RTN4R: variants seen among roughly 807,000 people sequenced by gnomAD.
RTN4R encodes the protein reticulon 4 receptor.
A neutral mutation model predicts 27.7 loss-of-function variants in RTN4R; 4 were observed. The ratio of observed to expected loss-of-function variants is 0.14; its 90% CI spans 0.07 to 0.33. The LOEUF (loss-of-function observed/expected upper bound fraction) is 0.33, where lower values mean the gene tolerates loss of function less well. Ranked by LOEUF, RTN4R falls within the 10% of genes least tolerant of loss-of-function variation. The pLI is 1.00. For missense variants in RTN4R, 554 were observed against 671.5 expected (o/e 0.83, Z 1.93); for synonymous variants, 290 against 305.6 (o/e 0.95, Z 0.53).
chr22:20,247,498 G>T (rs1424314990), intron 1 of RTN4R, among the ~76,000 whole-genome samples: 3 of 72,750 alleles, frequency 4.1e-5, no homozygotes, highest in African/African-American at 1.8e-4. Flanking sequence ...TCTGTCCCCC[G>T]ATCCTCGCTT....
chr22:20,258,353 T>G (rs1443221419), intron 1 of RTN4R, among the ~76,000 whole-genome samples: 2 of 151,564 alleles, frequency 1.3e-5, no homozygotes, highest in Non-Finnish European at 2.9e-5. Flanking sequence ...GGCTGGCCCC[T>G]TCCCAATCCC....
intron 1 of RTN4R, among the ~76,000 whole-genome samples, chr22:20,245,154 C>T (rs535675463): frequency 1.2e-4 from 19 of 152,166 alleles, no homozygotes; most frequent in African/African-American, 3.6e-4. Flanking sequence ...GGTGCGGGGT[C>T]GGGGGAGACA....
rs892849192 is a variant in RTN4R at position 20,255,109 on chromosome 22, C to G, written c.23-11999G>C. On this transcript the variant is annotated intron_variant, in intron 1 of 1. Coordinates refer to ENST00000043402, the MANE Select transcript of RTN4R (RefSeq NM_023004.6). This position sits in a 1 kb window ranked among gnomAD's most constrained non-coding sequence, Gnocchi z 4.8. ...CAGGGAACAGAGGCGACAGTGGCTG[C>G]CTCCCAGGAGGACGCGGGGCAGGGG... Among the ~76,000 whole-genome samples, 2 of 152,206 alleles carry G rather than the reference C, an allele frequency of 1.3e-5. No homozygotes were observed. Among genetic ancestry groups the G allele is most frequent in the African/African-American group, 4.8e-5 (2 of 41,460 alleles).
intron 1 of RTN4R, among the ~76,000 whole-genome samples, chr22:20,262,634 C>T (rs2051254489): frequency 1.3e-5 from 2 of 152,220 alleles, no homozygotes; most frequent in Admixed American, 6.5e-5. Context: ...CCCACTTCCT[C>T]CAGAGCCCCA....
rs144550064 is a variant in RTN4R at position 20,242,297 on chromosome 22, C to T, written c.836G>A (p.Arg279His). ...GCAGGGCACCTCGGAGGAGGAGCCG[C>T]GGAACTTCTGCAGCCAGGCCCAGAG... ...RPLWAWLQKF[R>H]GSSSEVPCSL... is the part of the protein sequence containing the mutation. The change falls in exon 2 of 2, where the codon CGC becomes CAC. Residue 279 changes from arginine to histidine, a missense_variant. Coordinates refer to ENST00000043402, the MANE Select transcript of RTN4R (RefSeq NM_023004.6). 179 of 1,604,618 alleles carry T rather than the reference C, an allele frequency of 1.1e-4. No individual in the cohort carries two copies. The Middle Eastern group carries it at 1.4e-3, about 12-fold the overall frequency.
In RTN4R at chr22:20,242,543, G is replaced by T; in HGVS notation, c.590C>A (p.Ala197Asp). ...GNRISSVPER[A>D]FRGLHSLDRL... ...GTCGAGGCTGTGCAGCCCACGGAAG[G>T]CGCGCTCGGGCACGCTGGAGATGCG... The change falls in exon 2 of 2, where the codon GCC becomes GAC. Residue 197 changes from alanine to aspartate, a missense_variant. This residue lies in a region of RTN4R where 413 missense variants were observed against 542.3 expected (regional missense o/e 0.76). Transcript: ENST00000043402. The T allele has an allele frequency of 6.2e-7, 1 of 1,613,602 alleles. No homozygotes were observed. The highest frequency in any genetic ancestry group is 8.5e-7 in the Non-Finnish European group (1 of 1,179,978).
At chr22:20,257,799 G>C (rs1355327175) in intron 1 of RTN4R, among the ~76,000 whole-genome samples, 1 of 152,184 alleles carries the variant, frequency 6.6e-6, no homozygotes, top group Non-Finnish European at 1.5e-5. Context: ...AGGTGGAAGG[G>C]TGGGTGAGTC....
Position 20,242,296 on chromosome 22 carries a change from G to C in RTN4R, c.837C>G (p.Arg279=), listed in dbSNP as rs773883326. ...RPLWAWLQKF[R]GSSSEVPCSL... is the part of the protein sequence containing the mutation. ...TGCAGGGCACCTCGGAGGAGGAGCC[G>C]CGGAACTTCTGCAGCCAGGCCCAGA... The change falls in exon 2 of 2, where the codon CGC becomes CGG. Residue 279 remains arginine (R), a synonymous_variant. Transcript: ENST00000043402. The C allele has an allele frequency of 6.2e-7, 1 of 1,604,050 alleles. No individual in the cohort carries two copies. The highest frequency in any genetic ancestry group is 1.1e-5 in the South Asian group (1 of 90,130).
intron 1 of RTN4R, among the ~76,000 whole-genome samples, chr22:20,250,518 A>G (rs2051169706): frequency 6.6e-6 from 1 of 152,216 alleles, no homozygotes; most frequent in Non-Finnish European, 1.5e-5. Context: ...ACTAATGAAA[A>G]GGAAACCAAG....
At chr22:20,247,424 C>T (rs2051147721) in intron 1 of RTN4R, among the ~76,000 whole-genome samples, 2 of 151,994 alleles carry the variant, frequency 1.3e-5, no homozygotes, top group Admixed American at 1.3e-4. Context: ...CAGGGCACCC[C>T]TCCCACGCCT....
chr22:20,246,619 G>A (rs1376999888), intron 1 of RTN4R, among the ~76,000 whole-genome samples: 2 of 152,198 alleles, frequency 1.3e-5, no homozygotes, highest in Non-Finnish European at 2.9e-5. Flanking sequence ...GAGCCGAGCC[G>A]AGCAGGGATG....
At chr22:20,249,724 C>T (rs750810009) in intron 1 of RTN4R, among the ~76,000 whole-genome samples, 14 of 152,314 alleles carry the variant, frequency 9.2e-5, no homozygotes, top group South Asian at 2.1e-4. Flanking sequence ...CATGCCGCTG[C>T]GGCAGAGGAA....
chr22:20,253,298 AC>A (rs2051194800), intron 1 of RTN4R, among the ~76,000 whole-genome samples: 1 of 152,138 alleles, frequency 6.6e-6, no homozygotes. Flanking sequence ...CTCATGAGAG[AC>A]CCGGCCTGTG....
chr22:20,241,809 C>T lies in RTN4R; in HGVS notation c.1324G>A (p.Gly442Ser), dbSNP rs549680571. 4.4e-6 allele frequency: 7 copies of T among 1,577,250 alleles called. No individual in the cohort carries two copies. The highest frequency in any genetic ancestry group is 8.6e-7 in the Non-Finnish European group (1 of 1,162,310). ...AGGGCACCTGAGCCTTCTGAGTCAC[C>T]AGTCCCGCCACCCCCGCTGCCTGCC... Reference protein sequence around the residue: ...GQAGSGGGGTGDSEGSGALPS... With the variant: ...GQAGSGGGGTSDSEGSGALPS... Residue 442 changes from glycine to serine, a missense_variant, in exon 2 of 2, where the codon GGT becomes AGT. Coordinates refer to ENST00000043402, the MANE Select transcript of RTN4R (RefSeq NM_023004.6).
chr22:20,266,561 T>C, intron 1 of RTN4R, among the ~76,000 whole-genome samples: 1 of 152,246 alleles, frequency 6.6e-6, no homozygotes, highest in Non-Finnish European at 1.5e-5. Context: ...GCCCAGGGTC[T>C]GGCCTGTTGG....
At chr22:20,251,400 C>T (rs985109668) in intron 1 of RTN4R, among the ~76,000 whole-genome samples, 1 of 151,922 alleles carries the variant, frequency 6.6e-6, no homozygotes, top group African/African-American at 2.4e-5. Context: ...TCCACGGCCT[C>T]AGGCCTGGAT....
chr22:20,242,597 T>C lies in RTN4R; in HGVS notation c.536A>G (p.Asn179Ser), dbSNP rs866133447. 6.2e-7 allele frequency: 1 copy of C among 1,606,340 alleles called. No individual in the cohort carries two copies. Among genetic ancestry groups the C allele is most frequent in the East Asian group, 2.3e-5 (1 of 44,400 alleles). The change falls in exon 2 of 2, where the codon AAC becomes AGC. Residue 179 changes from asparagine (N) to serine (S), a missense_variant. This residue lies in a region of RTN4R where 413 missense variants were observed against 542.3 expected (regional missense o/e 0.76). Transcript: ENST00000043402. ...GCCGTGCAGGAAGAGGTGTGTGAGG[T>C]TGCCCAGGTCGCGGAAGGTGTCATC... The part of the protein sequence containing the change: ...LPDDTFRDLG[N>S]LTHLFLHGNR...
intron 1 of RTN4R, among the ~76,000 whole-genome samples, chr22:20,249,690 G>T (rs183424328): frequency 1.1e-4 from 17 of 152,332 alleles, no homozygotes; most frequent in African/African-American, 4.1e-4. Context: ...CCTCCCAGGA[G>T]CCAGGGCCCG....
rs1377019125 is a variant in RTN4R at position 20,268,099 on chromosome 22, G to T, written c.-7C>A. 1 of 1,187,262 alleles carries T rather than the reference G, an allele frequency of 8.4e-7. No individual in the cohort carries two copies. Among genetic ancestry groups the T allele is most frequent in the South Asian group, 3.2e-5 (1 of 31,602 alleles). The allele number at this position is 1,187,262 out of a possible 1,614,324, so 73.5% of individuals were successfully genotyped here. On this transcript the variant is annotated 5_prime_UTR_variant, in exon 1 of 2. Transcript: ENST00000043402. ...CAGCGGACGCCCTCTTCATCGTAGG[G>T]GTTGGGCGGGGCGCGTCGGGGACTG...
Sources: gnomAD v4.1 joint callset for allele counts (sites outside exome capture counted in the v4.1 genomes callset) on GRCh38, gnomAD v4.1.1 for gene constraint, gnomAD v4.1.1 regional missense constraint, Gnocchi (gnomAD v3.1) non-coding constraint, MANE v1.5 for transcripts, NCBI Gene and HGNC (gene_info 2026-07-23, HGNC 2026-07-21) for gene names.